The following OR14I1 variants were observed in gnomAD, a reference collection of about 807,000 sequenced individuals.
The protein encoded by OR14I1 is olfactory receptor family 14 subfamily I member 1.
For missense variants in OR14I1, 279 were observed against 181.8 expected (o/e 1.53, Z -3.07); for synonymous variants, 118 against 71.1 (o/e 1.66, Z -3.32).
At chr1:248,681,980 C>T (rs750726363) in exon 1 of OR14I1, 2 of 781,022 alleles carry the variant, frequency 2.6e-6, no homozygotes, top group South Asian at 2.7e-5. Flanking sequence ...AAGGCCAGCT[C>T]AGCAGATGCA....
chr1:248,690,136 A>C, the OR14I1 span, among the ~76,000 whole-genome samples: 2 of 152,216 alleles, frequency 1.3e-5, no homozygotes, highest in Non-Finnish European at 2.9e-5. Context: ...GAAAGATCTA[A>C]AATCGACACC....
chr1:248,681,571 A>T (rs761853531), exon 1 of OR14I1: 1 of 781,066 alleles, frequency 1.3e-6, no homozygotes, highest in Non-Finnish European at 2.4e-6. Context: ...GAGCATGATG[A>T]CAATGAGCTG....
the OR14I1 span, among the ~76,000 whole-genome samples, chr1:248,688,118 A>G: frequency 6.6e-6 from 1 of 152,258 alleles, no homozygotes; most frequent in Non-Finnish European, 1.5e-5. Context: ...CATTTTAAAT[A>G]GATACCTATT....
exon 1 of OR14I1, chr1:248,681,936 G>A (rs774055277): frequency 1.3e-6 from 1 of 781,048 alleles, no homozygotes; most frequent in Non-Finnish European, 2.4e-6. Flanking sequence ...GGTGGCAAAT[G>A]GCAACATAGC....
chr1:248,702,285 A>G, the OR14I1 span, among the ~76,000 whole-genome samples: 1 of 151,766 alleles, frequency 6.6e-6, no homozygotes, highest in East Asian at 1.9e-4. Context: ...CTGTAATATC[A>G]AAAAACAATT....
upstream of OR14I1, among the ~76,000 whole-genome samples, chr1:248,684,757 C>CATATATATAT (rs376621560): frequency 2.8e-5 from 4 of 145,062 alleles, no homozygotes; most frequent in African/African-American, 1.0e-4. Flanking sequence ...CACACACATA[C>CATATATATAT]ATATATATAT....
chr1:248,694,186 A>T, the OR14I1 span, among the ~76,000 whole-genome samples: 1 of 152,220 alleles, frequency 6.6e-6, no homozygotes, highest in Admixed American at 6.5e-5. Context: ...TGCTCTGCTG[A>T]TCAGAGATTG....
At chr1:248,688,774 C>G in the OR14I1 span, among the ~76,000 whole-genome samples, 17 of 152,214 alleles carry the variant, frequency 1.1e-4, no homozygotes, top group African/African-American at 1.2e-4. Flanking sequence ...TTTCAGTTGA[C>G]TGCAGGGTTC....
the OR14I1 span, among the ~76,000 whole-genome samples, chr1:248,694,188 C>G: frequency 7.2e-5 from 11 of 152,140 alleles, no homozygotes; most frequent in African/African-American, 2.4e-4. Context: ...CTCTGCTGAT[C>G]AGAGATTGCT....
the OR14I1 span, chr1:248,691,921 C>A: frequency 1.6e-4 from 1 of 6,314 alleles, no homozygotes; most frequent in African/African-American, 2.4e-4. Flanking sequence ...GCCTACAAGT[C>A]TCTAGGCTAG....
the OR14I1 span, among the ~76,000 whole-genome samples, chr1:248,697,680 G>A: frequency 1.4e-4 from 21 of 152,280 alleles, no homozygotes; most frequent in African/African-American, 5.1e-4. Context: ...CTACTCGGGA[G>A]ACTGAGGCAG....
downstream of OR14I1, among the ~76,000 whole-genome samples, chr1:248,678,460 C>T (rs61834343): frequency 0.15 from 22,212 of 152,126 alleles, 1,740 homozygotes; most frequent in African/African-American, 0.19. Flanking sequence ...AAGTCAATTA[C>T]ACGAAAACAA....
downstream of OR14I1, among the ~76,000 whole-genome samples, chr1:248,678,830 G>C (rs374902852): frequency 6.5e-4 from 98 of 149,816 alleles, no homozygotes; most frequent in East Asian, 0.014. Context: ...ATAACAGCAA[G>C]AAATTTTTGG....
chr1:248,684,757 C>CATATATATATATATATATATATAT (rs376621560), upstream of OR14I1, among the ~76,000 whole-genome samples: 507 of 144,794 alleles, frequency 3.5e-3, 6 homozygotes, highest in African/African-American at 0.013. Context: ...CACACACATA[C>CATATATATATATATATATATATAT]ATATATATAT....
the OR14I1 span, among the ~76,000 whole-genome samples, chr1:248,688,539 A>G: frequency 6.6e-6 from 1 of 152,252 alleles, no homozygotes; most frequent in African/African-American, 2.4e-5. Context: ...AACCCACTGA[A>G]GACTAGAACA....
At chr1:248,694,733 T>C in the OR14I1 span, among the ~76,000 whole-genome samples, 1 of 152,226 alleles carries the variant, frequency 6.6e-6, no homozygotes. Flanking sequence ...TACAAATGCA[T>C]GTAGGAAAAT....
the OR14I1 span, among the ~76,000 whole-genome samples, chr1:248,694,830 T>G: frequency 1.3e-5 from 2 of 152,222 alleles, no homozygotes; most frequent in Non-Finnish European, 2.9e-5. Context: ...TAGATGAGAA[T>G]ACCTGTTGCC....
At chr1:248,693,894 C>CTT in the OR14I1 span, among the ~76,000 whole-genome samples, 9 of 142,488 alleles carry the variant, frequency 6.3e-5, no homozygotes, top group African/African-American at 2.4e-4. Flanking sequence ...AAGTCCAGAA[C>CTT]TTTTTAAAAA....
the OR14I1 span, among the ~76,000 whole-genome samples, chr1:248,702,541 C>T: frequency 3.3e-3 from 509 of 152,240 alleles, 7 homozygotes; most frequent in South Asian, 0.025. Context: ...TTCCCACTGC[C>T]ACCACCTCGA....
Sources: gnomAD v4.1 joint callset for allele counts (sites outside exome capture counted in the v4.1 genomes callset) on GRCh38, gnomAD v4.1.1 for gene constraint, MANE v1.5 for transcripts, NCBI Gene and HGNC (gene_info 2026-07-23, HGNC 2026-07-21) for gene names.